LINGO2: variants seen among roughly 807,000 people sequenced by gnomAD.
The protein encoded by LINGO2 is leucine rich repeat and Ig domain containing 2.
Under a neutral mutation model 30.6 loss-of-function variants are expected in LINGO2, and 14 were observed. That is an observed-to-expected ratio of 0.46 (90% confidence interval 0.30 to 0.72). LINGO2 has a LOEUF of 0.72. Ranked by LOEUF, LINGO2 falls within the 30% of genes least tolerant of loss-of-function variation. The pLI is 0.07. For missense variants in LINGO2, 729 were observed against 751.7 expected (o/e 0.97, Z 0.35); for synonymous variants, 317 against 288.5 (o/e 1.10, Z -1.00).
the LINGO2 span, among the ~76,000 whole-genome samples, chr9:29,193,926 C>G: frequency 8.5e-5 from 13 of 152,128 alleles, no homozygotes. Context: ...GGGGACCATC[C>G]CAGAAAGCTA....
At chr9:28,837,648 A>AAAT in the LINGO2 span, among the ~76,000 whole-genome samples, 1 of 80,204 alleles carries the variant, frequency 1.2e-5, no homozygotes, top group Non-Finnish European at 2.3e-5. Flanking sequence ...ACTCCGTCTA[A>AAAT]AATATATATA....
At chr9:28,577,653 T>C (rs1031870308) in intron 1 of LINGO2, among the ~76,000 whole-genome samples, 2 of 152,174 alleles carry the variant, frequency 1.3e-5, no homozygotes, top group African/African-American at 4.8e-5. Flanking sequence ...GCAGGCAAGA[T>C]GAAACTTTTG....
Position 28,148,668 on chromosome 9 carries a change from C to G in LINGO2, c.-86-136263G>C. On this transcript the variant is annotated intron_variant, in intron 4 of 5. Transcript: ENST00000379992. The surrounding 1 kb of genome is among the most constrained non-coding windows in gnomAD (Gnocchi z 5.1). Reference sequence around the variant, plus strand: ...AACCAGACTGACAAGGCCCAGGTGCCTGCAGTGAGTTTCTACTCCAACGGC... The same window carrying G: ...AACCAGACTGACAAGGCCCAGGTGCGTGCAGTGAGTTTCTACTCCAACGGC... 2.6e-6 allele frequency: 4 copies of G among 1,532,826 alleles called. No homozygotes were observed. The highest frequency in any genetic ancestry group is 3.5e-6 in the Non-Finnish European group (4 of 1,145,294). 95.0% of individuals were successfully genotyped at this position (1,532,826 alleles called of 1,614,324 possible).
At chr9:28,625,049 T>A (rs1826598181) in intron 1 of LINGO2, among the ~76,000 whole-genome samples, 1 of 151,946 alleles carries the variant, frequency 6.6e-6, no homozygotes, top group Non-Finnish European at 1.5e-5. Flanking sequence ...CACTAGAAGT[T>A]GCCTAGGAAT....
At chr9:28,410,891 G>C (rs1267222436) in intron 2 of LINGO2, among the ~76,000 whole-genome samples, 1 of 152,010 alleles carries the variant, frequency 6.6e-6, no homozygotes, top group African/African-American at 2.4e-5. Context: ...AGGTAAAAGT[G>C]CACACCTTCA....
chr9:28,322,520 G>T (rs1299699340), intron 3 of LINGO2, among the ~76,000 whole-genome samples: 1 of 151,456 alleles, frequency 6.6e-6, no homozygotes, highest in African/African-American at 2.4e-5. Flanking sequence ...AAACATAATA[G>T]ATTTTATTTT....
At chr9:28,049,714 G>T (rs1824585903) in intron 4 of LINGO2, among the ~76,000 whole-genome samples, 1 of 150,660 alleles carries the variant, frequency 6.6e-6, no homozygotes, top group East Asian at 2.0e-4. Context: ...GCCTGATGCG[G>T]CAGGTCTAAC....
chr9:28,488,583 T>C (rs113146500), intron 1 of LINGO2, among the ~76,000 whole-genome samples: 1,613 of 152,290 alleles, frequency 0.011, 23 homozygotes, highest in African/African-American at 0.037. Context: ...AGTCAACCCT[T>C]TCTCATTTGC....
At chr9:29,188,834 C>A in the LINGO2 span, among the ~76,000 whole-genome samples, 3 of 117,088 alleles carry the variant, frequency 2.6e-5, no homozygotes, top group African/African-American at 1.0e-4. Context: ...CGGGGGCTGA[C>A]CCCCCCGCCA....
chr9:28,896,367 G>A, the LINGO2 span, among the ~76,000 whole-genome samples: 1 of 152,046 alleles, frequency 6.6e-6, no homozygotes, highest in Non-Finnish European at 1.5e-5. Context: ...ATGTTTTCCT[G>A]TCACTGTATT....
chr9:28,418,347 T>C (rs1177007660), intron 2 of LINGO2, among the ~76,000 whole-genome samples: 4 of 150,010 alleles, frequency 2.7e-5, no homozygotes, highest in African/African-American at 9.8e-5. Flanking sequence ...GGCACAATCT[T>C]GGCTCACTGC....
intron 4 of LINGO2, among the ~76,000 whole-genome samples, chr9:28,275,889 T>C (rs898047790): frequency 1.3e-5 from 2 of 152,262 alleles, no homozygotes; most frequent in Non-Finnish European, 2.9e-5. Flanking sequence ...GATCAGAGAA[T>C]CAAGTAGAGC....
chr9:29,186,720 A>G, the LINGO2 span, among the ~76,000 whole-genome samples: 2 of 152,156 alleles, frequency 1.3e-5, no homozygotes, highest in Admixed American at 1.3e-4. Context: ...CATACTAGCT[A>G]CAGTCAGGGG....
In LINGO2 at chr9:28,357,317, C is replaced by T. The variant is rs1031247062; in HGVS notation, c.-246+15519G>A. On this transcript the variant is annotated intron_variant, in intron 3 of 5. Transcript: ENST00000379992. Reference sequence around the variant, plus strand: ...AGTCTTTCAGATACAGAAATAAAGCCCACCCCCCCCAAAAAAGAAAGCACC... The same window carrying T: ...AGTCTTTCAGATACAGAAATAAAGCTCACCCCCCCCAAAAAAGAAAGCACC... 1.2e-4 allele frequency among the ~76,000 whole-genome samples: 7 copies of T among 59,514 alleles called. No individual in the cohort carries two copies. In the South Asian group the frequency reaches 6.6e-3, roughly 56 times the overall value. 39.0% of individuals were successfully genotyped at this position (59,514 alleles called of 152,430 possible). A position where few individuals can be genotyped will look rare whatever the true frequency, so the allele number is the denominator to read the frequency against.
intron 4 of LINGO2, among the ~76,000 whole-genome samples, chr9:28,267,547 T>C (rs899571967): frequency 1.3e-5 from 2 of 152,000 alleles, no homozygotes; most frequent in Non-Finnish European, 2.9e-5. Flanking sequence ...TGTATTGCCC[T>C]CTACACATCA....
At chr9:28,334,879 C>T (rs13301594) in intron 3 of LINGO2, among the ~76,000 whole-genome samples, 25,688 of 152,014 alleles carry the variant, frequency 0.17, 2,958 homozygotes, top group Non-Finnish European at 0.25. Context: ...ATTTAAAACA[C>T]CAGAATTCAG....
chr9:28,090,080 C>T (rs999458114), intron 4 of LINGO2, among the ~76,000 whole-genome samples: 8 of 151,962 alleles, frequency 5.3e-5, no homozygotes, highest in Non-Finnish European at 1.2e-4. Context: ...AATAGCTTAC[C>T]AACCAAAAAA....
chr9:28,777,182 A>G, the LINGO2 span, among the ~76,000 whole-genome samples: 1 of 152,160 alleles, frequency 6.6e-6, no homozygotes, highest in Admixed American at 6.6e-5. Flanking sequence ...TTCTTCATAA[A>G]TGACCCAGTC....
At position 28,015,044 on chromosome 9, in the gene LINGO2, TCA is replaced by T. The variant is rs1418546682; in HGVS notation, c.-86-2641_-86-2640del. On this transcript the variant is annotated intron_variant, in intron 4 of 5. Coordinates refer to ENST00000379992, the Ensembl canonical transcript of LINGO2. ...AATTTTTAGTGGGTAGAGTTATATA[TCA>T]CATATAGCAAAGTTGTGTCTCAAAT... Among the ~76,000 whole-genome samples the T allele has an allele frequency of 2.0e-5, 3 of 152,254 alleles. No homozygotes were observed. In the East Asian group the frequency reaches 5.8e-4, roughly 29 times the overall value.
Sources: allele counts gnomAD v4.1 joint callset (sites outside exome capture counted in the v4.1 genomes callset), GRCh38; gene constraint gnomAD v4.1.1; non-coding constraint Gnocchi (gnomAD v3.1); transcripts MANE v1.5; gene names NCBI Gene and HGNC (gene_info 2026-07-23, HGNC 2026-07-21).